The following DNAJC10 variants were observed in gnomAD, a reference collection of about 807,000 sequenced individuals.
DNAJC10 encodes the protein endoplasmic reticulum disulfide reductase DNAJC10.
Under a neutral mutation model 115.0 loss-of-function variants are expected in DNAJC10, and 101 were observed. That is an observed-to-expected ratio of 0.88 (90% CI 0.75 to 1.04). The LOEUF is 1.04. DNAJC10 is among the 50% of genes least tolerant of loss of function. The pLI is 0.00. For synonymous variants in DNAJC10, 307 were observed against 301.5 expected (o/e 1.02, Z -0.19); for missense variants, 981 against 928.8 (o/e 1.06, Z -0.73).
chr2:182,770,934 G>A (rs940822625), intron 22 of DNAJC10, among the ~76,000 whole-genome samples: 2 of 152,122 alleles, frequency 1.3e-5, no homozygotes, highest in African/African-American at 4.8e-5. Flanking sequence ...GTATAATATT[G>A]GCTGTGGGTT....
chr2:182,726,508 TCTA>T (rs1238974495), intron 5 of DNAJC10, among the ~76,000 whole-genome samples: 1 of 152,128 alleles, frequency 6.6e-6, no homozygotes, highest in Non-Finnish European at 1.5e-5. Context: ...TGAAAGAAGT[TCTA>T]CTGTGGGTCA....
In DNAJC10 at chr2:182,741,255, C is replaced by T. The variant is rs138024183; in HGVS notation, c.1090C>T (p.His364Tyr). Residue 364 changes from histidine (H) to tyrosine (Y), a missense_variant, in exon 13 of 24, where the codon CAT becomes TAT. By Grantham distance (83) the His-to-Tyr change is moderately conservative. Transcript: ENST00000264065. ...TATCACTTTTAAGGATCGTTTGGCT[C>T]ATCATCGGTGGCTGTTATTTTTTCA... Reference protein sequence around the residue: ...SANTLEDRLAHHRWLLFFHFG... With the variant: ...SANTLEDRLAYHRWLLFFHFG... 20 of 1,600,986 alleles carry T rather than the reference C, an allele frequency of 1.2e-5. No homozygotes were observed. The African/African-American group carries it at 2.2e-4, about 17-fold the overall frequency.
chr2:182,732,660 T>A (rs1052916696), intron 10 of DNAJC10, 118 bp downstream of exon 10: 93 of 964,336 alleles, frequency 9.6e-5, no homozygotes, highest in Non-Finnish European at 1.5e-4. Context: ...TTTGTAATCT[T>A]ATTTTCTGAT....
chr2:182,724,521 G>C (rs1574918189), intron 5 of DNAJC10, among the ~76,000 whole-genome samples: 1 of 152,218 alleles, frequency 6.6e-6, no homozygotes, highest in East Asian at 1.9e-4. Context: ...AACATGCATG[G>C]TATTCTAAAT....
rs561959785 is a variant in DNAJC10 at position 182,775,445 on chromosome 2, TTTGGCAAAAG to T, written c.2370+38_2370+47del. Reference sequence around the variant, plus strand: ...GGTATGGACTAAGCCTAGAGTTGACTTTGGCAAAAGTTGGCAAAAGTTAGCAAAATCTATT... The same window carrying T: ...GGTATGGACTAAGCCTAGAGTTGACTTTGGCAAAAGTTAGCAAAATCTATT... On this transcript the variant is annotated intron_variant, in intron 23 of 23. Transcript: ENST00000264065. 1.6e-5 allele frequency: 25 copies of T among 1,551,710 alleles called. No individual in the cohort carries two copies. The East Asian group carries it at 2.7e-4, about 17-fold the overall frequency.
rs1373106701 is a variant in DNAJC10 at position 182,779,255 on chromosome 2, G to T, written c.*2123G>T. The T allele has an allele frequency of 2.0e-5, 3 of 152,156 alleles. No individual in the cohort carries two copies. The highest frequency in any genetic ancestry group is 2.9e-5 in the Non-Finnish European group (2 of 68,046). The allele number at this position is 152,156 out of a possible 1,614,324, so 9.4% of individuals were successfully genotyped here. ...AGTATTATTGGGTCTTTCAAAAACAGCTGGCAGATTGAGCTTTTAATGGCT... is the reference window on the plus strand; with the variant it reads ...AGTATTATTGGGTCTTTCAAAAACATCTGGCAGATTGAGCTTTTAATGGCT... On this transcript the variant is annotated 3_prime_UTR_variant, in exon 24 of 24. Coordinates refer to ENST00000264065, the MANE Select transcript of DNAJC10 (RefSeq NM_018981.4).
chr2:182,720,401 C>T (rs952833954), intron 4 of DNAJC10, among the ~76,000 whole-genome samples: 8 of 152,032 alleles, frequency 5.3e-5, no homozygotes, highest in African/African-American at 9.7e-5. Flanking sequence ...ATAAGGATTG[C>T]TATTTAATAA....
chr2:182,756,375 A>C lies in DNAJC10; in HGVS notation c.1715A>C (p.Gln572Pro). ...ACCACCTTCAACGAACTAGTTACAC[A>C]AAGAAAACACAACGAAGTCTGGATG... is the stretch of plus-strand genomic sequence containing the variant. ...TPTTFNELVT[Q>P]RKHNEVWMVD... The change falls in exon 18 of 24, where the codon CAA becomes CCA. Residue 572 changes from glutamine to proline, a missense_variant. Gln to Pro is a moderately conservative substitution (Grantham distance 76, BLOSUM62 -1). Transcript: ENST00000264065. 1 of 1,614,030 alleles carries C rather than the reference A, an allele frequency of 6.2e-7. No homozygotes were observed. The highest frequency in any genetic ancestry group is 8.5e-7 in the Non-Finnish European group (1 of 1,179,920).
intron 3 of DNAJC10, among the ~76,000 whole-genome samples, chr2:182,719,667 A>C (rs149458470): frequency 1.3e-5 from 2 of 152,238 alleles, no homozygotes; most frequent in East Asian, 3.8e-4. Context: ...TTATAGGAGT[A>C]AAAAATATTT....
chr2:182,787,380 G>GTGTT lies in DNAJC10; in HGVS notation c.*10250_*10253dup, dbSNP rs1396570268. 3 of 152,086 alleles carry GTGTT rather than the reference G, an allele frequency of 2.0e-5. No individual in the cohort carries two copies. Among genetic ancestry groups the GTGTT allele is most frequent in the Admixed American group, 2.0e-4 (3 of 15,266 alleles). The allele number at this position is 152,086 out of a possible 1,614,324, so 9.4% of individuals were successfully genotyped here. A position where few individuals can be genotyped will look rare whatever the true frequency, so the allele number is the denominator to read the frequency against. ...ACTGTCTCTTCCCACTGTTTACCTG[G>GTGTT]TGTTTTGATTCTGAATAGTTTATAA... On this transcript the variant is annotated 3_prime_UTR_variant, in exon 24 of 24. Transcript: ENST00000264065.
intron 18 of DNAJC10, among the ~76,000 whole-genome samples, chr2:182,757,107 T>A (rs1415983529): frequency 6.6e-6 from 1 of 152,194 alleles, no homozygotes; most frequent in East Asian, 1.9e-4. Flanking sequence ...TCAGCATGTG[T>A]ATTTAGAAAA....
At chr2:182,745,976 G>A (rs1464522693) in intron 14 of DNAJC10, among the ~76,000 whole-genome samples, 1 of 152,026 alleles carries the variant, frequency 6.6e-6, no homozygotes, top group Non-Finnish European at 1.5e-5. Flanking sequence ...CTATGAGTGA[G>A]AACATGCAGT....
chr2:182,778,895 A>G lies in DNAJC10; in HGVS notation c.*1763A>G, dbSNP rs939487836. 1.1e-4 allele frequency: 17 copies of G among 152,216 alleles called. No homozygotes were observed. Among genetic ancestry groups the G allele is most frequent in the African/African-American group, 3.4e-4 (14 of 41,462 alleles). The allele number at this position is 152,216 out of a possible 1,614,324, so 9.4% of individuals were successfully genotyped here. On this transcript the variant is annotated 3_prime_UTR_variant, in exon 24 of 24. Coordinates refer to ENST00000264065, the MANE Select transcript of DNAJC10 (RefSeq NM_018981.4). Reference sequence around the variant, plus strand: ...CTTACTTGGGTAAATACTTACTAAAATATACTGGTTATGTGCATATCACCA... The same window carrying G: ...CTTACTTGGGTAAATACTTACTAAAGTATACTGGTTATGTGCATATCACCA...
Position 182,720,014 on chromosome 2 carries a change from CA to C in DNAJC10, c.215del (p.Asn72MetfsTer7). ...TCTAATATTTTTTAACAGAATAACC[CA>C]AATGCACATGGCGATTTTTTAAAAA... ...KLHPDKNPNN[P>X]NAHGDFLKIN... is the part of the protein sequence containing the mutation. On this transcript the variant is annotated frameshift_variant, in exon 4 of 24. Coordinates refer to ENST00000264065, the MANE Select transcript of DNAJC10 (RefSeq NM_018981.4). LOFTEE classifies it high-confidence loss of function. 1 of 1,535,562 alleles carries C rather than the reference CA, an allele frequency of 6.5e-7. No homozygotes were observed.
At chr2:182,752,671 G>T in intron 16 of DNAJC10, 1 of 540,538 alleles carries the variant, frequency 1.9e-6, no homozygotes. Flanking sequence ...ATTATATACC[G>T]TAGAATGAAA....
At chr2:182,733,885 G>A (rs1693518047) in intron 10 of DNAJC10, among the ~76,000 whole-genome samples, 1 of 151,348 alleles carries the variant, frequency 6.6e-6, no homozygotes, top group East Asian at 1.9e-4. Flanking sequence ...GTTCTTTGAA[G>A]CAAATGTGTA....
At chr2:182,748,609 A>C (rs1693934337) in intron 14 of DNAJC10, among the ~76,000 whole-genome samples, 1 of 151,472 alleles carries the variant, frequency 6.6e-6, no homozygotes, top group Non-Finnish European at 1.5e-5. Context: ...CATCTATTTG[A>C]TTCTTCTCTC....
rs910845833 is a variant in DNAJC10, at chr2:182,791,478, G to T, written c.*14346G>T. The T allele has an allele frequency of 6.6e-6, 1 of 152,074 alleles. No homozygotes were observed. The highest frequency in any genetic ancestry group is 6.5e-5 in the Admixed American group (1 of 15,280). The allele number at this position is 152,074 out of a possible 1,614,324, so 9.4% of individuals were successfully genotyped here. A position where few individuals can be genotyped will look rare whatever the true frequency, so the allele number is the denominator to read the frequency against. On this transcript the variant is annotated 3_prime_UTR_variant, in exon 24 of 24. Transcript: ENST00000264065. The stretch of plus-strand genomic sequence containing the variant: ...AACTTCAGCCCAGCTAGAAGTCAAC[G>T]TGTGTTTCTGAAACTATGCTGGGGA...
intron 22 of DNAJC10, among the ~76,000 whole-genome samples, chr2:182,766,873 G>A (rs1694426494): frequency 6.6e-6 from 1 of 152,042 alleles, no homozygotes; most frequent in African/African-American, 2.4e-5. Flanking sequence ...GCTGTTGCCT[G>A]AACGGGGCCA....
Sources: allele counts gnomAD v4.1 joint callset (sites outside exome capture counted in the v4.1 genomes callset), GRCh38; gene constraint gnomAD v4.1.1; transcripts MANE v1.5; gene names NCBI Gene and HGNC (gene_info 2026-07-23, HGNC 2026-07-21).